The following DOCK6 variants were observed in gnomAD, a reference collection of about 807,000 sequenced individuals.
DOCK6 encodes dedicator of cytokinesis protein 6.
Under a neutral mutation model 230.3 loss-of-function variants are expected in DOCK6, and 167 were observed. The observed-to-expected ratio is 0.73, with a 90% CI of 0.64 to 0.82. DOCK6 has a LOEUF of 0.82. DOCK6 is among the 40% of genes least tolerant of loss of function. The pLI is 0.00. For synonymous variants in DOCK6, 1,148 were observed against 1,185.0 expected, an observed-to-expected ratio of 0.97 and a Z score of 0.64; for missense variants, 2,598 against 2,825.8, an observed-to-expected ratio of 0.92 and a Z score of 1.83.
Position 11,243,997 on chromosome 19 carries a change from A to G in DOCK6, c.1024-115T>C, listed in dbSNP as rs181616141. ...GCCCTCGGACACTCCTAACATATGA[A>G]GGCCTTTGCTCCAACACCTCCCATG... On this transcript the variant is annotated intron_variant, in intron 9 of 47. Transcript: ENST00000294618. The surrounding 1 kb of genome is among the most constrained non-coding windows in gnomAD (Gnocchi z 6.3). 4 of 1,163,610 alleles carry G rather than the reference A, an allele frequency of 3.4e-6. No individual in the cohort carries two copies. Among genetic ancestry groups the G allele is most frequent in the Non-Finnish European group, 3.7e-6 (3 of 803,198 alleles). The allele number at this position is 1,163,610 out of a possible 1,614,324, so 72.1% of individuals were successfully genotyped here.
rs75535455 is a variant in DOCK6 at position 11,231,201 on chromosome 19, C to A, written c.2718+2002G>T. Reference sequence around the variant, plus strand: ...CCCTAGGGCCAAGTGTGTAAGGAAGCAAGCCCTGTGGCCTCCTCTCTGTGC... The same window carrying A: ...CCCTAGGGCCAAGTGTGTAAGGAAGAAAGCCCTGTGGCCTCCTCTCTGTGC... On this transcript the variant is annotated intron_variant, in intron 22 of 47. Coordinates refer to ENST00000294618, the MANE Select transcript of DOCK6 (RefSeq NM_020812.4). Among the ~76,000 whole-genome samples the A allele has an allele frequency of 4.6e-5, 7 of 152,314 alleles. No individual in the cohort carries two copies. The East Asian group carries it at 1.4e-3, about 29-fold the overall frequency.
chr19:11,236,239 G>C lies in DOCK6; in HGVS notation c.2392+107C>G. 1 of 1,134,778 alleles carries C rather than the reference G, an allele frequency of 8.8e-7. No individual in the cohort carries two copies. The highest frequency in any genetic ancestry group is 1.2e-6 in the Non-Finnish European group (1 of 812,028). 70.3% of individuals were successfully genotyped at this position (1,134,778 alleles called of 1,614,324 possible). ...GGACTGGAGGTCATTTTTCAGATGA[G>C]AAAAATGGCCAGAGAGGTAAATGGG... is the stretch of plus-strand genomic sequence containing the variant. On this transcript the variant is annotated intron_variant, in intron 20 of 47. Coordinates refer to ENST00000294618, the MANE Select transcript of DOCK6 (RefSeq NM_020812.4). The surrounding 1 kb of genome is among the most constrained non-coding windows in gnomAD (Gnocchi z 5.2).
chr19:11,214,942 A>ATTTTT (rs141146699), intron 32 of DOCK6, among the ~76,000 whole-genome samples: 2 of 127,128 alleles, frequency 1.6e-5, no homozygotes, highest in African/African-American at 3.0e-5. Flanking sequence ...TGCCTGGCTA[A>ATTTTT]TTTTTTTTTT....
rs772459080 is a variant in DOCK6, at chr19:11,227,404, C to T, written c.2888G>A (p.Arg963His). 8 of 1,613,548 alleles carry T rather than the reference C, an allele frequency of 5.0e-6. No homozygotes were observed. Among genetic ancestry groups the T allele is most frequent in the South Asian group, 3.3e-5 (3 of 91,058 alleles). Reference protein sequence around the residue: ...DTPRKLRFPGRFLDDITALVG... With the variant: ...DTPRKLRFPGHFLDDITALVG... The stretch of plus-strand genomic sequence containing the variant: ...CAAGGCAGTGATGTCGTCCAGGAAG[C>T]GTCCGGGGAAGCGCAGCTTGCGGGG... Residue 963 changes from arginine to histidine, a missense_variant, in exon 24 of 48, where the codon CGC becomes CAC. Arg to His is a conservative substitution (Grantham distance 29). Coordinates refer to ENST00000294618, the MANE Select transcript of DOCK6 (RefSeq NM_020812.4).
rs1359699067 is a variant in DOCK6 at position 11,250,950 on chromosome 19, A to T, written c.644T>A (p.Val215Glu). ...TCGAAGGGTTTCATTGCGCCGGTCC[A>T]CATCTTCTGGGGCCGCCCGCTCTAG... The part of the protein sequence containing the change: ...SLLERAAPED[V>E]DRRNETLRRQ... The change falls in exon 6 of 48, where the codon GTG becomes GAG. Residue 215 changes from valine (V) to glutamate (E), a missense_variant. Physicochemically the swap from Val to Glu is moderately radical, Grantham distance 121. Coordinates refer to ENST00000294618, the MANE Select transcript of DOCK6 (RefSeq NM_020812.4). 1 of 1,613,598 alleles carries T rather than the reference A, an allele frequency of 6.2e-7. No individual in the cohort carries two copies. The highest frequency in any genetic ancestry group is 1.3e-5 in the African/African-American group (1 of 74,922).
chr19:11,254,874 A>G (rs893852547), intron 1 of DOCK6, among the ~76,000 whole-genome samples: 2 of 152,206 alleles, frequency 1.3e-5, no homozygotes, highest in East Asian at 3.9e-4. Flanking sequence ...CAGGGGGCAC[A>G]GCAGGTGCAA....
intron 21 of DOCK6, among the ~76,000 whole-genome samples, chr19:11,235,268 G>A (rs2079828004): frequency 6.6e-6 from 1 of 151,840 alleles, no homozygotes; most frequent in Non-Finnish European, 1.5e-5. Context: ...CACCATGCCT[G>A]GCTAATTTTT....
intron 14 of DOCK6, chr19:11,239,763 C>A (rs549677886): frequency 3.1e-6 from 5 of 1,611,926 alleles, no homozygotes; most frequent in African/African-American, 1.3e-5. Context: ...TCCATGGGAC[C>A]CTGCAGCTGG....
In DOCK6 at chr19:11,233,396, C is replaced by T. The variant is rs777413439; in HGVS notation, c.2555-30G>A. On this transcript the variant is annotated intron_variant, in intron 21 of 47. Coordinates refer to ENST00000294618, the MANE Select transcript of DOCK6 (RefSeq NM_020812.4). ...GGATGGAGTGAATAGGGTCAACCAC[C>T]CACCCACCTGATGTGATGCCTCCCA... The T allele has an allele frequency of 1.1e-5, 18 of 1,602,484 alleles. No homozygotes were observed. In the Admixed American group the frequency reaches 2.0e-4, roughly 18 times the overall value.
At position 11,213,164 on chromosome 19, in the gene DOCK6, GC is replaced by G. The variant is rs770968382; in HGVS notation, c.4491+11del. The G allele has an allele frequency of 1.2e-6, 2 of 1,609,030 alleles. No homozygotes were observed. Among genetic ancestry groups the G allele is most frequent in the Admixed American group, 3.3e-5 (2 of 59,920 alleles). ...AGCCATGTGTGGACCATGCCTCCTA[GC>G]CCCCACTCACGTGGCCGATCTCGAA... On this transcript the variant is annotated intron_variant, in intron 35 of 47. Coordinates refer to ENST00000294618, the MANE Select transcript of DOCK6 (RefSeq NM_020812.4).
At chr19:11,240,352 G>A (rs746898988) in intron 14 of DOCK6, 9 of 1,466,412 alleles carry the variant, frequency 6.1e-6, no homozygotes, top group Admixed American at 2.7e-5. Flanking sequence ...GCCAGAACTC[G>A]CTTCTGCACC....
At position 11,200,479 on chromosome 19, in the gene DOCK6, A is replaced by C; in HGVS notation, c.5940-10T>G. 1 of 1,607,514 alleles carries C rather than the reference A, an allele frequency of 6.2e-7. No individual in the cohort carries two copies. The highest frequency in any genetic ancestry group is 8.5e-7 in the Non-Finnish European group (1 of 1,177,158). ...CAGCGCATCCTCACATCTGAGGGCCAGAGGGTGGGAGATGCTCAGAGACTC... is the reference window on the plus strand; with the variant it reads ...CAGCGCATCCTCACATCTGAGGGCCCGAGGGTGGGAGATGCTCAGAGACTC... On this transcript the variant is annotated splice_polypyrimidine_tract_variant and intron_variant, in intron 46 of 47. Transcript: ENST00000294618. The surrounding 1 kb of genome is among the most constrained non-coding windows in gnomAD (Gnocchi z 4.3).
intron 9 of DOCK6, 123 bp from the exon 10 acceptor site, chr19:11,244,005 G>T: frequency 1.9e-6 from 2 of 1,030,008 alleles, no homozygotes; most frequent in Non-Finnish European, 2.9e-6. Flanking sequence ...GAAGGCCTTT[G>T]CTCCAACACC....
chr19:11,254,556 C>A (rs1436152957), intron 1 of DOCK6, among the ~76,000 whole-genome samples: 1 of 152,088 alleles, frequency 6.6e-6, no homozygotes, highest in Non-Finnish European at 1.5e-5. Flanking sequence ...TAGCCAGACT[C>A]CTGTAGTCCC....
intron 24 of DOCK6, among the ~76,000 whole-genome samples, chr19:11,226,590 G>A (rs2079667923): frequency 1.3e-5 from 2 of 152,062 alleles, no homozygotes; most frequent in South Asian, 2.1e-4. Context: ...CCTGGGAGGC[G>A]GAGGTTGTGG....
chr19:11,214,778 T>A (rs1046817045), intron 32 of DOCK6, 129 bp from the exon 33 acceptor site: 1 of 788,282 alleles, frequency 1.3e-6, no homozygotes, highest in Non-Finnish European at 2.0e-6. Context: ...TTTGTTTTTG[T>A]TTTTTTTGTT....
chr19:11,232,761 G>GTACC (rs1403775260), intron 22 of DOCK6, among the ~76,000 whole-genome samples: 4 of 151,476 alleles, frequency 2.6e-5, no homozygotes, highest in Admixed American at 6.6e-5. Context: ...TAGGGTGAAT[G>GTACC]TGCCTATGTA....
At chr19:11,250,666 G>C (rs1488559355) in intron 6 of DOCK6, among the ~76,000 whole-genome samples, 1 of 152,136 alleles carries the variant, frequency 6.6e-6, no homozygotes, top group Non-Finnish European at 1.5e-5. Context: ...ATGCTGGTTG[G>C]ATAAATATAG....
At position 11,214,383 on chromosome 19, in the gene DOCK6, C is replaced by T. The variant is rs1204886970; in HGVS notation, c.4230G>A (p.Glu1410=). The change falls in exon 34 of 48, where the codon GAG becomes GAA. Residue 1410 remains glutamate (E), a synonymous_variant. Transcript: ENST00000294618. ...VQTVMLSEAR[E]SVLGAVLKVV... ...CCTTCAGCACTGCCCCCAAGACGCTCTCCCGGGCTTCTGAAAGCATCACCG... is the reference window on the plus strand; with the variant it reads ...CCTTCAGCACTGCCCCCAAGACGCTTTCCCGGGCTTCTGAAAGCATCACCG... The T allele has an allele frequency of 6.2e-7, 1 of 1,613,710 alleles. No individual in the cohort carries two copies. Among genetic ancestry groups the T allele is most frequent in the Non-Finnish European group, 8.5e-7 (1 of 1,179,810 alleles).
Sources: gnomAD v4.1 joint callset for allele counts (sites outside exome capture counted in the v4.1 genomes callset) on GRCh38, gnomAD v4.1.1 for gene constraint, Gnocchi (gnomAD v3.1) non-coding constraint, MANE v1.5 for transcripts, NCBI Gene and HGNC (gene_info 2026-07-23, HGNC 2026-07-21) for gene names.